Variants in ATP1B3 observed in about 807,000 individuals in gnomAD.
The protein encoded by ATP1B3 is ATPase Na+/K+ transporting subunit beta 3, also known as sodium/potassium-transporting ATPase subunit beta-3.
ATP1B3 carries 10 observed loss-of-function variants against 30.2 expected under a neutral mutation model. That is an observed-to-expected ratio of 0.33 (90% CI 0.20 to 0.56). The LOEUF is 0.56. Ranked by LOEUF, ATP1B3 falls within the 20% of genes least tolerant of loss-of-function variation. The pLI is 0.90. For synonymous variants in ATP1B3, 113 were observed against 117.0 expected (o/e 0.97, Z 0.22); for missense variants, 238 against 336.7 (o/e 0.71, Z 2.29).
At chr3:141,902,189 C>T (rs747388537) in intron 1 of ATP1B3, 2 of 1,289,686 alleles carry the variant, frequency 1.6e-6, no homozygotes, top group Non-Finnish European at 2.0e-6. Context: ...ATCCTGTTCT[C>T]CTCTCTTCTG....
At chr3:141,916,785 CAG>C (rs1445487452) in intron 5 of ATP1B3, among the ~76,000 whole-genome samples, 3 of 152,174 alleles carry the variant, frequency 2.0e-5, no homozygotes, top group African/African-American at 7.2e-5. Context: ...GATCACTCAT[CAG>C]AGTCATGTTG....
chr3:141,913,334 A>G (rs1035339714), intron 3 of ATP1B3, among the ~76,000 whole-genome samples: 5 of 152,194 alleles, frequency 3.3e-5, no homozygotes, highest in Non-Finnish European at 5.9e-5. Context: ...GCCTTTTTAC[A>G]TCCTCTCCAT....
intron 1 of ATP1B3, among the ~76,000 whole-genome samples, chr3:141,900,329 T>TA (rs1934140225): frequency 6.6e-6 from 1 of 152,030 alleles, no homozygotes; most frequent in South Asian, 2.1e-4. Context: ...GAAACCCCAG[T>TA]AAAAACTCTG....
intron 3 of ATP1B3, among the ~76,000 whole-genome samples, chr3:141,912,893 C>G (rs748523276): frequency 3.3e-5 from 5 of 152,232 alleles, no homozygotes; most frequent in Non-Finnish European, 5.9e-5. Context: ...GAGCTAGTCT[C>G]TCACCTGGGC....
intron 4 of ATP1B3, among the ~76,000 whole-genome samples, chr3:141,914,512 T>C (rs547438731): frequency 6.6e-6 from 1 of 152,282 alleles, no homozygotes; most frequent in South Asian, 2.1e-4. Flanking sequence ...CGGCTTTTCT[T>C]GAGTCATGAA....
intron 4 of ATP1B3, among the ~76,000 whole-genome samples, chr3:141,914,837 G>C (rs1934427616): frequency 6.6e-6 from 1 of 152,186 alleles, no homozygotes; most frequent in Non-Finnish European, 1.5e-5. Flanking sequence ...TCCAACCTCT[G>C]CTTCATCCCT....
At chr3:141,884,768 T>C (rs1933797548) in intron 1 of ATP1B3, among the ~76,000 whole-genome samples, 1 of 152,230 alleles carries the variant, frequency 6.6e-6, no homozygotes, top group Non-Finnish European at 1.5e-5. Flanking sequence ...TGGCTCTCCT[T>C]GTTCCTCAAG....
intron 1 of ATP1B3, among the ~76,000 whole-genome samples, chr3:141,898,215 G>A (rs1934104084): frequency 6.6e-6 from 1 of 152,180 alleles, no homozygotes; most frequent in African/African-American, 2.4e-5. Context: ...TTTTAGATAT[G>A]CCACCAAAAG....
rs530932572 is a variant in ATP1B3 at position 141,886,705 on chromosome 3, GA to G, written c.109+9801del. Among the ~76,000 whole-genome samples the G allele has an allele frequency of 4.3e-3, 649 of 152,198 alleles. 2 individuals carry two copies. Among genetic ancestry groups the G allele is most frequent in the African/African-American group, 0.015 (616 of 41,536 alleles). ...TCTTAGCCTTGTTTCCTCTATAAAA[GA>G]AAAAAGTTCAGCCAGATGTGATGGC... On this transcript the variant is annotated intron_variant, in intron 1 of 6. Coordinates refer to ENST00000286371, the MANE Select transcript of ATP1B3 (RefSeq NM_001679.4).
chr3:141,899,717 A>G lies in ATP1B3; in HGVS notation c.110-3903A>G, dbSNP rs576106849. On this transcript the variant is annotated intron_variant, in intron 1 of 6. Coordinates refer to ENST00000286371, the MANE Select transcript of ATP1B3 (RefSeq NM_001679.4). Reference sequence around the variant, plus strand: ...AAACCCCGTCTCTACTAAAAATACAAAATTAGCCAGGTGTGGTGACACATG... The same window carrying G: ...AAACCCCGTCTCTACTAAAAATACAGAATTAGCCAGGTGTGGTGACACATG... Among the ~76,000 whole-genome samples, 29 of 152,324 alleles carry G rather than the reference A, an allele frequency of 1.9e-4. No individual in the cohort carries two copies. The South Asian group carries it at 5.8e-3, about 30-fold the overall frequency.
At chr3:141,908,068 C>CTTTTTTTTTTTTTTTTTTT (rs56374653) in intron 3 of ATP1B3, among the ~76,000 whole-genome samples, 3 of 109,212 alleles carry the variant, frequency 2.7e-5, no homozygotes, top group Non-Finnish European at 3.7e-5. Flanking sequence ...GCCAGGCATT[C>CTTTTTTTTTTTTTTTTTTT]TTTTTTTTTT....
intron 4 of ATP1B3, among the ~76,000 whole-genome samples, chr3:141,915,293 C>G (rs1379186537): frequency 6.6e-6 from 1 of 152,170 alleles, no homozygotes; most frequent in Non-Finnish European, 1.5e-5. Context: ...AGGTTTCATA[C>G]CAGTATAGTT....
intron 1 of ATP1B3, among the ~76,000 whole-genome samples, chr3:141,889,572 T>TA (rs1933896754): frequency 6.6e-6 from 1 of 151,478 alleles, no homozygotes; most frequent in East Asian, 1.9e-4. Context: ...CTACTAAAAA[T>TA]ACAAAATTAG....
At chr3:141,915,599 T>C (rs1442686879) in intron 4 of ATP1B3, among the ~76,000 whole-genome samples, 2 of 152,176 alleles carry the variant, frequency 1.3e-5, no homozygotes, top group Non-Finnish European at 2.9e-5. Flanking sequence ...AACAGTTAAT[T>C]ATTATGCTTC....
intron 1 of ATP1B3, among the ~76,000 whole-genome samples, chr3:141,891,138 A>G (rs923772825): frequency 1.1e-4 from 17 of 152,192 alleles, no homozygotes; most frequent in African/African-American, 4.1e-4. Context: ...ACTTTGTTAA[A>G]TGAAAAATTC....
At position 141,925,730 on chromosome 3, in the gene ATP1B3, T is replaced by C; in HGVS notation, c.*29T>C. 6.3e-7 allele frequency: 1 copy of C among 1,591,144 alleles called. No homozygotes were observed. Among genetic ancestry groups the C allele is most frequent in the Non-Finnish European group, 8.5e-7 (1 of 1,170,094 alleles). ...GAGTAGGATATCTCCACAGAGTAAATGTTGTGTTGTCTGTCTTCATTTTGT... is the reference window on the plus strand; with the variant it reads ...GAGTAGGATATCTCCACAGAGTAAACGTTGTGTTGTCTGTCTTCATTTTGT... On this transcript the variant is annotated 3_prime_UTR_variant, in exon 7 of 7. Coordinates refer to ENST00000286371, the MANE Select transcript of ATP1B3 (RefSeq NM_001679.4).
At chr3:141,923,465 G>A (rs977507930) in intron 6 of ATP1B3, among the ~76,000 whole-genome samples, 1 of 152,206 alleles carries the variant, frequency 6.6e-6, no homozygotes, top group Non-Finnish European at 1.5e-5. Context: ...CTCACCAGAT[G>A]CAGCTCCTTG....
At chr3:141,923,211 G>C (rs1017153717) in intron 6 of ATP1B3, among the ~76,000 whole-genome samples, 5 of 151,584 alleles carry the variant, frequency 3.3e-5, no homozygotes, top group Admixed American at 2.0e-4. Flanking sequence ...CTGGGAGGCA[G>C]AGATTGCAGT....
At chr3:141,889,718 G>T in intron 1 of ATP1B3, among the ~76,000 whole-genome samples, 1 of 113,062 alleles carries the variant, frequency 8.8e-6, no homozygotes. Context: ...AAAAGAGCGA[G>T]ACTCCGTCTC....
Sources: gnomAD v4.1 joint callset for allele counts (sites outside exome capture counted in the v4.1 genomes callset) on GRCh38, gnomAD v4.1.1 for gene constraint, MANE v1.5 for transcripts, NCBI Gene and HGNC (gene_info 2026-07-23, HGNC 2026-07-21) for gene names.